The following NRXN3 variants were observed in gnomAD, a reference collection of about 807,000 sequenced individuals.
NRXN3 encodes the protein neurexin 3, also known as neurexin III.
NRXN3 carries 32 observed loss-of-function variants against 137.6 expected under a neutral mutation model. The observed-to-expected ratio is 0.23, with a 90% CI of 0.18 to 0.31. NRXN3 has a LOEUF of 0.31. Ranked by LOEUF, NRXN3 falls within the 10% of genes least tolerant of loss-of-function variation. The probability of loss-of-function intolerance (pLI) is 1.00; values close to 1 mark genes in which losing one functional copy is unlikely to be tolerated. For missense variants in NRXN3, 1,574 were observed against 2,062.5 expected (o/e 0.76, Z 4.59); for synonymous variants, 798 against 784.5 (o/e 1.02, Z -0.29).
intron 15 of NRXN3, among the ~76,000 whole-genome samples, chr14:79,028,938 A>G (rs1329101835): frequency 6.6e-6 from 1 of 152,076 alleles, no homozygotes; most frequent in African/African-American, 2.4e-5. Flanking sequence ...TTACAGAGAG[A>G]AAGCATTGGG....
chr14:79,404,584 G>T (rs771582772), intron 15 of NRXN3, among the ~76,000 whole-genome samples: 1 of 152,034 alleles, frequency 6.6e-6, no homozygotes, highest in Non-Finnish European at 1.5e-5. Flanking sequence ...GAAAAGGTAG[G>T]GGGCAATGGA....
chr14:79,450,411 G>A (rs1190184268), intron 15 of NRXN3, among the ~76,000 whole-genome samples: 5 of 152,080 alleles, frequency 3.3e-5, no homozygotes, highest in African/African-American at 7.2e-5. Flanking sequence ...TTGCAAAATT[G>A]CCAAGAATAA....
rs565933723 is a variant in NRXN3, at chr14:78,645,325, G to C, written c.963G>C (p.Leu321=). 3.8e-6 allele frequency: 6 copies of C among 1,598,846 alleles called. No homozygotes were observed. In the Admixed American group the frequency reaches 8.3e-5, roughly 22 times the overall value. The change falls in exon 5 of 21, where the codon CTG becomes CTC. Residue 321 remains leucine, a synonymous_variant. Transcript: ENST00000335750. ...KDGAVSLVIN[L]GSGAFEAIVE... ...GTGCGGTCTCCTTGGTCATTAACCT[G>C]GGGTCCGGGGCCTTTGAGGCCATTG...
intron 4 of NRXN3, among the ~76,000 whole-genome samples, chr14:78,489,999 C>T (rs1265785802): frequency 1.3e-5 from 2 of 151,776 alleles, no homozygotes; most frequent in Admixed American, 1.3e-4. Context: ...ACTGCAACCT[C>T]TGCCTCCTGG....
chr14:78,716,502 C>T (rs1374238158), intron 8 of NRXN3, among the ~76,000 whole-genome samples: 2 of 152,146 alleles, frequency 1.3e-5, no homozygotes, highest in Non-Finnish European at 2.9e-5. Flanking sequence ...TGATGTAAGA[C>T]AGTAGCATGT....
intron 10 of NRXN3, among the ~76,000 whole-genome samples, chr14:78,852,194 T>C (rs2099044514): frequency 6.6e-6 from 1 of 152,158 alleles, no homozygotes; most frequent in Non-Finnish European, 1.5e-5. Flanking sequence ...CAAGAGTCCC[T>C]GCATCCAGAT....
chr14:79,613,436 C>G (rs1344811989), intron 16 of NRXN3, among the ~76,000 whole-genome samples: 1 of 152,134 alleles, frequency 6.6e-6, no homozygotes, highest in Non-Finnish European at 1.5e-5. Flanking sequence ...CTATGATATC[C>G]CAAGCATCAC....
At chr14:79,554,586 G>A (rs547259571) in intron 16 of NRXN3, among the ~76,000 whole-genome samples, 1 of 152,250 alleles carries the variant, frequency 6.6e-6, no homozygotes, top group South Asian at 2.1e-4. Context: ...TACTACTTGG[G>A]TAGGTGGGAG....
chr14:79,367,945 G>A lies in NRXN3; in HGVS notation c.3263-99276G>A, dbSNP rs74926231. On this transcript the variant is annotated intron_variant, in intron 15 of 20. Transcript: ENST00000335750. ...AGTTGACTCTTGGAGCTTCTGAAACGTCTATTGGATATACTATAACCAAAG... is the reference window on the plus strand; with the variant it reads ...AGTTGACTCTTGGAGCTTCTGAAACATCTATTGGATATACTATAACCAAAG... Among the ~76,000 whole-genome samples, 1,195 of 152,202 alleles carry A rather than the reference G, an allele frequency of 7.9e-3. 9 individuals are homozygous for A. The highest frequency in any genetic ancestry group is 0.027 in the African/African-American group (1,133 of 41,510).
At chr14:79,534,869 G>A (rs553217177) in intron 16 of NRXN3, among the ~76,000 whole-genome samples, 92 of 152,244 alleles carry the variant, frequency 6.0e-4, no homozygotes, top group Non-Finnish European at 1.0e-3. Flanking sequence ...GATTTTATAA[G>A]GCACATTCAA....
chr14:78,563,637 G>T (rs1441148433), intron 4 of NRXN3, among the ~76,000 whole-genome samples: 1 of 152,220 alleles, frequency 6.6e-6, no homozygotes, highest in Non-Finnish European at 1.5e-5. Flanking sequence ...CTACTGAGAT[G>T]CACTGACAGA....
intron 8 of NRXN3, among the ~76,000 whole-genome samples, chr14:78,724,193 G>T (rs1215566562): frequency 1.3e-5 from 2 of 152,132 alleles, no homozygotes; most frequent in Admixed American, 1.3e-4. Flanking sequence ...GGGATTTATA[G>T]TGATGACACC....
At chr14:78,376,123 GAATT>G (rs1262083820) in intron 4 of NRXN3, among the ~76,000 whole-genome samples, 4 of 152,078 alleles carry the variant, frequency 2.6e-5, no homozygotes, top group African/African-American at 9.7e-5. Flanking sequence ...AAGAAAGAGA[GAATT>G]AAAGTAGCAG....
intron 6 of NRXN3, among the ~76,000 whole-genome samples, chr14:78,657,065 A>G (rs2097790904): frequency 6.6e-6 from 1 of 151,008 alleles, no homozygotes. Flanking sequence ...AAAAAAAAAA[A>G]AAAAAAAAAA....
At position 79,112,241 on chromosome 14, in the gene NRXN3, T is replaced by C. The variant is rs572244204; in HGVS notation, c.3262+124100T>C. Among the ~76,000 whole-genome samples, 42 of 152,372 alleles carry C rather than the reference T, an allele frequency of 2.8e-4. No individual in the cohort carries two copies. The South Asian group carries it at 8.5e-3, about 31-fold the overall frequency. ...CAGAACTAGCCCTTCTCTCTGGAGC[T>C]GTAGGCCTCTCTTCTTCCCAGCCCC... is the stretch of plus-strand genomic sequence containing the variant. On this transcript the variant is annotated intron_variant, in intron 15 of 20. Coordinates refer to ENST00000335750, the MANE Select transcript of NRXN3 (RefSeq NM_001330195.2).
At chr14:79,450,518 C>G (rs889811580) in intron 15 of NRXN3, among the ~76,000 whole-genome samples, 1 of 151,986 alleles carries the variant, frequency 6.6e-6, no homozygotes, top group Non-Finnish European at 1.5e-5. Context: ...TTACATATAT[C>G]ATAACATCAC....
At chr14:79,298,765 C>G (rs995719787) in intron 15 of NRXN3, 7 of 152,054 alleles carry the variant, frequency 4.6e-5, no homozygotes, top group African/African-American at 1.7e-4. Context: ...TTATGAGAAC[C>G]TATGTTCTGG....
chr14:78,971,425 C>CATATATATATATAT, intron 14 of NRXN3, among the ~76,000 whole-genome samples: 1 of 148,356 alleles, frequency 6.7e-6, no homozygotes, highest in East Asian at 2.0e-4. Flanking sequence ...CACAGATAAA[C>CATATATATATATAT]ATATATATAT....
chr14:78,689,868 C>T (rs534892078), intron 6 of NRXN3, among the ~76,000 whole-genome samples: 70 of 151,720 alleles, frequency 4.6e-4, no homozygotes, highest in African/African-American at 1.6e-3. Context: ...TCTCCCCCTT[C>T]CTCCTCTTTC....
Sources: gnomAD v4.1 joint callset for allele counts (sites outside exome capture counted in the v4.1 genomes callset) on GRCh38, gnomAD v4.1.1 for gene constraint, MANE v1.5 for transcripts, NCBI Gene and HGNC (gene_info 2026-07-23, HGNC 2026-07-21) for gene names.